STK39: variants seen among roughly 807,000 people sequenced by gnomAD.
STK39 encodes STE20/SPS1-related proline-alanine-rich protein kinase.
Under a neutral mutation model 77.8 loss-of-function variants are expected in STK39, and 20 were observed. The observed-to-expected ratio is 0.26, with a 90% CI of 0.18 to 0.37. The LOEUF is 0.37. STK39 is among the 10% of genes least tolerant of loss of function. The pLI is 1.00. For missense variants in STK39, 479 were observed against 656.5 expected (o/e 0.73, Z 2.95); for synonymous variants, 246 against 234.1 (o/e 1.05, Z -0.47).
chr2:168,045,944 G>C (rs1403391627), intron 14 of STK39, among the ~76,000 whole-genome samples: 1 of 152,172 alleles, frequency 6.6e-6, no homozygotes, highest in Non-Finnish European at 1.5e-5. Flanking sequence ...GAGTCCCCCA[G>C]AGAGGCACTC....
intron 10 of STK39, among the ~76,000 whole-genome samples, chr2:168,111,958 C>A (rs1178345919): frequency 1.3e-5 from 2 of 152,302 alleles, no homozygotes; most frequent in African/African-American, 4.8e-5. Flanking sequence ...AGTCCCATCA[C>A]AGTCATTTTA....
intron 5 of STK39, among the ~76,000 whole-genome samples, chr2:168,144,269 C>T (rs927665245): frequency 6.6e-6 from 1 of 152,004 alleles, no homozygotes. Flanking sequence ...ACTTTCTGGG[C>T]CTTATTGGGC....
rs190100238 is a variant in STK39, at chr2:168,160,734, A to T, written c.628+1053T>A. On this transcript the variant is annotated intron_variant, in intron 5 of 17. Coordinates refer to ENST00000355999, the MANE Select transcript of STK39 (RefSeq NM_013233.3). ...CAGAGCCTGCACTCTGAACAACTAG[A>T]CTGCTTGGGGCTGGACAGTTTGAAA... Among the ~76,000 whole-genome samples the T allele has an allele frequency of 5.4e-3, 817 of 152,172 alleles. 2 individuals are homozygous for T. Among genetic ancestry groups the T allele is most frequent in the Non-Finnish European group, 8.0e-3 (545 of 68,012 alleles).
intron 6 of STK39, 60 bp downstream of exon 6, chr2:168,140,589 A>T: frequency 7.3e-7 from 1 of 1,365,650 alleles, no homozygotes; most frequent in Non-Finnish European, 1.0e-6. Context: ...ATGTTAGCAT[A>T]TTAATGATCT....
intron 12 of STK39, among the ~76,000 whole-genome samples, chr2:168,069,016 A>T (rs1685870464): frequency 6.6e-6 from 1 of 152,292 alleles, no homozygotes; most frequent in South Asian, 2.1e-4. Context: ...TCCTGGGTTC[A>T]AGCGATTCTC....
At position 168,074,962 on chromosome 2, in the gene STK39, A is replaced by G. The variant is rs201038739; in HGVS notation, c.1242+20T>C. On this transcript the variant is annotated intron_variant, in intron 12 of 17. Coordinates refer to ENST00000355999, the MANE Select transcript of STK39 (RefSeq NM_013233.3). ...AAAGGAATGAAATGGCAAAATAATA[A>G]ATAAATAGCCACAGCTCACCTCTGG... is the stretch of plus-strand genomic sequence containing the variant. 6.2e-7 allele frequency: 1 copy of G among 1,607,360 alleles called. No homozygotes were observed. The highest frequency in any genetic ancestry group is 8.5e-7 in the Non-Finnish European group (1 of 1,177,354).
intron 12 of STK39, among the ~76,000 whole-genome samples, chr2:168,068,776 T>C (rs1027394320): frequency 6.6e-6 from 1 of 152,144 alleles, no homozygotes; most frequent in African/African-American, 2.4e-5. Context: ...CATGAAAATA[T>C]CAGGTTAAAG....
intron 5 of STK39, among the ~76,000 whole-genome samples, chr2:168,157,831 C>G (rs1322311434): frequency 6.6e-6 from 1 of 152,116 alleles, no homozygotes. Context: ...ATGAGATCTA[C>G]CTTACATAAT....
chr2:167,993,881 T>G (rs1683765670), intron 16 of STK39, among the ~76,000 whole-genome samples: 1 of 152,220 alleles, frequency 6.6e-6, no homozygotes, highest in Non-Finnish European at 1.5e-5. Flanking sequence ...TTTGTCTTCT[T>G]AAGTTTCATA....
chr2:168,130,978 C>G (rs1289094566), intron 8 of STK39, among the ~76,000 whole-genome samples: 4 of 152,168 alleles, frequency 2.6e-5, no homozygotes, highest in Non-Finnish European at 5.9e-5. Context: ...GAGAAAGAAG[C>G]CACAGAGGCT....
Position 167,968,852 on chromosome 2 carries a change from C to T in STK39, c.1499-4126G>A, listed in dbSNP as rs143185178. ...ATTAGATTTCTTTGAAATCCAGCCACGCATACAGAAAACTTACTAACTCAG... is the reference window on the plus strand; with the variant it reads ...ATTAGATTTCTTTGAAATCCAGCCATGCATACAGAAAACTTACTAACTCAG... On this transcript the variant is annotated intron_variant, in intron 16 of 17. Coordinates refer to ENST00000355999, the MANE Select transcript of STK39 (RefSeq NM_013233.3). Among the ~76,000 whole-genome samples, 120 of 152,250 alleles carry T rather than the reference C, an allele frequency of 7.9e-4. 1 individual carries two copies. Among genetic ancestry groups the T allele is most frequent in the African/African-American group, 2.4e-3 (98 of 41,540 alleles).
chr2:168,008,592 A>G (rs894944841), intron 16 of STK39, among the ~76,000 whole-genome samples: 15 of 152,174 alleles, frequency 9.9e-5, no homozygotes, highest in Admixed American at 4.6e-4. Flanking sequence ...TGGATCAAAG[A>G]TATAAATTTG....
intron 16 of STK39, among the ~76,000 whole-genome samples, chr2:168,009,594 G>C (rs1222114103): frequency 6.6e-6 from 1 of 152,184 alleles, no homozygotes; most frequent in Non-Finnish European, 1.5e-5. Flanking sequence ...CTACAACATA[G>C]TGATTAAAAC....
intron 1 of STK39, among the ~76,000 whole-genome samples, chr2:168,236,696 T>G (rs1471129668): frequency 6.6e-6 from 1 of 152,252 alleles, no homozygotes; most frequent in Admixed American, 6.5e-5. Context: ...TACCATTTAT[T>G]AAATAGGGAA....
chr2:167,974,633 T>A (rs368987209), intron 16 of STK39, among the ~76,000 whole-genome samples: 1 of 151,958 alleles, frequency 6.6e-6, no homozygotes, highest in Non-Finnish European at 1.5e-5. Context: ...ACCACAGAAA[T>A]AACTAAATTT....
At chr2:168,024,841 T>G (rs1292125915) in intron 14 of STK39, among the ~76,000 whole-genome samples, 4 of 152,152 alleles carry the variant, frequency 2.6e-5, no homozygotes, top group Admixed American at 2.0e-4. Context: ...AAACTGAGGC[T>G]TAGAAAGGAT....
chr2:168,225,993 C>T (rs755289200), intron 1 of STK39, among the ~76,000 whole-genome samples: 23 of 152,080 alleles, frequency 1.5e-4, no homozygotes, highest in South Asian at 1.0e-3. Context: ...GCCATAGTTG[C>T]GGCTAACAGG....
chr2:168,136,367 CAA>C (rs775507627), intron 8 of STK39, among the ~76,000 whole-genome samples: 7 of 64,814 alleles, frequency 1.1e-4, no homozygotes, highest in Admixed American at 3.3e-4. Flanking sequence ...GACTCCGTCT[CAA>C]AAAAAAAAAA....
chr2:168,025,124 T>C (rs1291207807), intron 14 of STK39, among the ~76,000 whole-genome samples: 4 of 152,186 alleles, frequency 2.6e-5, no homozygotes, highest in Admixed American at 1.3e-4. Context: ...CCTCTACCTC[T>C]GTATGGCTGT....
Sources: allele counts gnomAD v4.1 joint callset (sites outside exome capture counted in the v4.1 genomes callset), GRCh38; gene constraint gnomAD v4.1.1; transcripts MANE v1.5; gene names NCBI Gene and HGNC (gene_info 2026-07-23, HGNC 2026-07-21).